PRKCA: variants seen among roughly 807,000 people sequenced by gnomAD.
PRKCA encodes the protein protein kinase C alpha type.
Under a neutral mutation model 87.0 loss-of-function variants are expected in PRKCA, and 27 were observed. That is an observed-to-expected ratio of 0.31 (90% CI 0.23 to 0.43). PRKCA has a LOEUF of 0.43. Ranked by LOEUF, PRKCA falls within the 20% of genes least tolerant of loss-of-function variation. The probability of loss-of-function intolerance (pLI) is 1.00; values close to 1 mark genes in which losing one functional copy is unlikely to be tolerated. For missense variants in PRKCA, 518 were observed against 852.3 expected, an observed-to-expected ratio of 0.61 and a Z score of 4.88; for synonymous variants, 329 against 311.1, an observed-to-expected ratio of 1.06 and a Z score of -0.61.
intron 11 of PRKCA, among the ~76,000 whole-genome samples, chr17:66,740,037 C>T (rs1407253515): frequency 6.6e-6 from 1 of 151,916 alleles, no homozygotes; most frequent in African/African-American, 2.4e-5. Flanking sequence ...TGAAAAACAC[C>T]CTGGAGGAAG....
intron 2 of PRKCA, among the ~76,000 whole-genome samples, chr17:66,326,230 T>C (rs577742161): frequency 6.6e-6 from 1 of 152,304 alleles, no homozygotes; most frequent in Admixed American, 6.5e-5. Context: ...TTCATTTTGT[T>C]TTTTCTCATG....
chr17:66,548,901 G>A (rs1439661000), intron 3 of PRKCA, among the ~76,000 whole-genome samples: 4 of 151,794 alleles, frequency 2.6e-5, no homozygotes, highest in African/African-American at 7.3e-5. Context: ...TCCGCCTCCC[G>A]GGCTCAAGCA....
chr17:66,461,214 A>G (rs1200721950), intron 2 of PRKCA, among the ~76,000 whole-genome samples: 2 of 151,698 alleles, frequency 1.3e-5, no homozygotes, highest in African/African-American at 2.4e-5. Context: ...TCAAAAAAAA[A>G]AAAAAAAAAG....
chr17:66,511,683 C>CTTT (rs11384474), intron 3 of PRKCA, among the ~76,000 whole-genome samples: 3 of 141,712 alleles, frequency 2.1e-5, no homozygotes, highest in Non-Finnish European at 4.6e-5. Flanking sequence ...ATATAGTGAA[C>CTTT]TTTTTTTTTT....
At chr17:66,728,195 C>T (rs923778426) in intron 8 of PRKCA, among the ~76,000 whole-genome samples, 23 of 152,322 alleles carry the variant, frequency 1.5e-4, no homozygotes, top group African/African-American at 5.1e-4. Context: ...ATTGGGGGAG[C>T]AAGGGCGTGA....
chr17:66,799,046 ATGG>A (rs1975790609), intron 16 of PRKCA, among the ~76,000 whole-genome samples: 19 of 32,214 alleles, frequency 5.9e-4, no homozygotes, highest in East Asian at 1.0e-3. Context: ...GGTGGTGGTG[ATGG>A]TGATGGTGGT....
intron 3 of PRKCA, among the ~76,000 whole-genome samples, chr17:66,553,583 G>A (rs1285932330): frequency 1.3e-5 from 2 of 152,210 alleles, no homozygotes; most frequent in African/African-American, 2.4e-5. Context: ...TCTGAGAATA[G>A]CTGTAAAAGG....
At chr17:66,377,722 T>TATATATA (rs1491296808) in intron 2 of PRKCA, among the ~76,000 whole-genome samples, 4 of 30,208 alleles carry the variant, frequency 1.3e-4, no homozygotes, top group African/African-American at 3.2e-4. Context: ...TATATATATA[T>TATATATA]TTTTTTTTTT....
At chr17:66,414,779 T>G (rs1001995760) in intron 2 of PRKCA, among the ~76,000 whole-genome samples, 1 of 152,114 alleles carries the variant, frequency 6.6e-6, no homozygotes, top group Non-Finnish European at 1.5e-5. Context: ...ATAGAAAAAG[T>G]CAGGGGCTGG....
chr17:66,382,306 A>G (rs539186106), intron 2 of PRKCA, among the ~76,000 whole-genome samples: 8 of 152,114 alleles, frequency 5.3e-5, no homozygotes, highest in Non-Finnish European at 1.2e-4. Context: ...GGCTTCAGCT[A>G]TTATTTATTT....
chr17:66,738,631 G>A (rs765680006), intron 10 of PRKCA, 133 bp from the exon 11 acceptor site: 38 of 726,752 alleles, frequency 5.2e-5, no homozygotes, highest in Non-Finnish European at 8.3e-5. Context: ...ATGTGAAAGA[G>A]CTCTAAACTG....
intron 13 of PRKCA, among the ~76,000 whole-genome samples, chr17:66,753,299 C>G (rs180922938): frequency 1.2e-3 from 187 of 152,328 alleles, no homozygotes; most frequent in African/African-American, 4.4e-3. Context: ...GCCTGGAATT[C>G]CCTTCCAGGG....
rs1917208237 is a variant in PRKCA at position 66,511,088 on chromosome 17, G to A, written c.288+14805G>A. The stretch of plus-strand genomic sequence containing the variant: ...TTTTTTCGTGTCATAAAACATGCCT[G>A]TGATGAATGCCTTTAGGAAAGCAGT... On this transcript the variant is annotated intron_variant, in intron 3 of 16. Coordinates refer to ENST00000413366, the MANE Select transcript of PRKCA (RefSeq NM_002737.3). Among the ~76,000 whole-genome samples the A allele has an allele frequency of 2.6e-5, 4 of 152,074 alleles. No homozygotes were observed. In the South Asian group the frequency reaches 8.3e-4, roughly 32 times the overall value.
intron 1 of PRKCA, among the ~76,000 whole-genome samples, chr17:66,305,052 A>C (rs1954985782): frequency 2.6e-5 from 4 of 152,164 alleles, no homozygotes; most frequent in Admixed American, 2.6e-4. Context: ...TCAGGTCACC[A>C]CCAGTATTGT....
At chr17:66,781,909 TGTGTGTGTGA>T (rs1231471413) in intron 14 of PRKCA, among the ~76,000 whole-genome samples, 20 of 150,884 alleles carry the variant, frequency 1.3e-4, no homozygotes, top group African/African-American at 2.4e-4. Context: ...TGTGTGTGTG[TGTGTGTGTGA>T]GTGAGTGTGA....
chr17:66,369,634 T>C (rs1908974511), intron 2 of PRKCA, among the ~76,000 whole-genome samples: 1 of 152,222 alleles, frequency 6.6e-6, no homozygotes, highest in South Asian at 2.1e-4. Context: ...ACCTGTGGCA[T>C]TGCTGAGCAA....
intron 3 of PRKCA, among the ~76,000 whole-genome samples, chr17:66,520,393 T>G (rs1967122362): frequency 6.6e-6 from 1 of 152,108 alleles, no homozygotes; most frequent in Non-Finnish European, 1.5e-5. Context: ...AGTGCTGTGA[T>G]TACAGGTGTG....
rs1358403979 is a variant in PRKCA at position 66,420,149 on chromosome 17, C to CT, written c.206-76051dup. On this transcript the variant is annotated intron_variant, in intron 2 of 16. Transcript: ENST00000413366. ...GCCTCAGCCTCCCAAGTAGCTGGGA[C>CT]TGCAGAAGTATGCCACCACGCCCGG... Among the ~76,000 whole-genome samples the CT allele has an allele frequency of 1.3e-3, 191 of 151,966 alleles. 1 individual carries two copies. The highest frequency in any genetic ancestry group is 4.2e-3 in the African/African-American group (173 of 41,450).
chr17:66,792,048 C>T lies in PRKCA; in HGVS notation c.1854+3069C>T, dbSNP rs1975551571. 6.6e-6 allele frequency among the ~76,000 whole-genome samples: 1 copy of T among 152,198 alleles called. No homozygotes were observed. The highest frequency in any genetic ancestry group is 2.1e-4 in the South Asian group (1 of 4,826). ...CAGGCAAATGTCACACAGCTAGCGA[C>T]TCTCACCGTGAGCCCATTTCTGAGT... On this transcript the variant is annotated intron_variant, in intron 16 of 16. Coordinates refer to ENST00000413366, the MANE Select transcript of PRKCA (RefSeq NM_002737.3). This position sits in a 1 kb window ranked among gnomAD's most constrained non-coding sequence, Gnocchi z 4.5.
Sources: allele counts gnomAD v4.1 joint callset (sites outside exome capture counted in the v4.1 genomes callset), GRCh38; gene constraint gnomAD v4.1.1; non-coding constraint Gnocchi (gnomAD v3.1); transcripts MANE v1.5; gene names NCBI Gene and HGNC (gene_info 2026-07-23, HGNC 2026-07-21).